The following RPS6KC1 variants were observed in gnomAD, a reference collection of about 807,000 sequenced individuals.
RPS6KC1 encodes ribosomal protein S6 kinase C1, also known as inactive ribosomal protein S6 kinase delta-1.
Under a neutral mutation model 103.8 loss-of-function variants are expected in RPS6KC1, and 54 were observed. The ratio of observed to expected loss-of-function variants is 0.52; its 90% CI spans 0.42 to 0.65. The LOEUF is 0.65. RPS6KC1 is among the 30% of genes least tolerant of loss of function. RPS6KC1 has a pLI of 0.00. For synonymous variants in RPS6KC1, 439 were observed against 438.7 expected (o/e 1.00, Z -0.01); for missense variants, 1,151 against 1,253.8 (o/e 0.92, Z 1.24).
At chr1:213,798,175 T>C in the RPS6KC1 span, among the ~76,000 whole-genome samples, 1 of 152,050 alleles carries the variant, frequency 6.6e-6, no homozygotes, top group East Asian at 1.9e-4. Flanking sequence ...AGCAAATAAT[T>C]AAGCAGGTCA....
the RPS6KC1 span, among the ~76,000 whole-genome samples, chr1:213,773,476 T>C: frequency 2.0e-5 from 3 of 148,210 alleles, no homozygotes; most frequent in Non-Finnish European, 3.0e-5. Context: ...ATATATCATA[T>C]ATCGATATAT....
chr1:213,123,028 G>A (rs374651083), intron 5 of RPS6KC1, among the ~76,000 whole-genome samples: 244 of 152,270 alleles, frequency 1.6e-3, no homozygotes, highest in African/African-American at 5.4e-3. Flanking sequence ...TTCATGGTAT[G>A]CCATGGGAAT....
At chr1:213,249,351 A>G (rs2094504907) in intron 12 of RPS6KC1, among the ~76,000 whole-genome samples, 1 of 152,220 alleles carries the variant, frequency 6.6e-6, no homozygotes, top group African/African-American at 2.4e-5. Flanking sequence ...AATCTCCATT[A>G]GGTTACCAGG....
chr1:213,716,649 ACTTCT>A, the RPS6KC1 span, among the ~76,000 whole-genome samples: 1 of 152,196 alleles, frequency 6.6e-6, no homozygotes, highest in African/African-American at 2.4e-5. Context: ...CATAATTTGT[ACTTCT>A]CTTATGATTC....
the RPS6KC1 span, among the ~76,000 whole-genome samples, chr1:213,694,457 A>C: frequency 6.6e-6 from 1 of 152,286 alleles, no homozygotes; most frequent in Non-Finnish European, 1.5e-5. Context: ...TCCTAAAACT[A>C]CAGTTCCTGT....
the RPS6KC1 span, among the ~76,000 whole-genome samples, chr1:213,583,946 A>G: frequency 6.6e-6 from 1 of 151,966 alleles, no homozygotes; most frequent in South Asian, 2.1e-4. Context: ...TTGCATCTTG[A>G]TATGGTTTGG....
the RPS6KC1 span, among the ~76,000 whole-genome samples, chr1:213,389,424 C>T: frequency 2.0e-5 from 3 of 152,216 alleles, no homozygotes; most frequent in Non-Finnish European, 4.4e-5. Context: ...AATGCTTGGG[C>T]GACAGGGAAG....
At chr1:213,858,961 T>G in the RPS6KC1 span, among the ~76,000 whole-genome samples, 3 of 152,312 alleles carry the variant, frequency 2.0e-5, no homozygotes, top group Admixed American at 2.0e-4. Flanking sequence ...TAAATGCATC[T>G]CTGATCTATG....
the RPS6KC1 span, among the ~76,000 whole-genome samples, chr1:213,400,651 C>CTATAT: frequency 1.3e-5 from 2 of 151,924 alleles, no homozygotes; most frequent in African/African-American, 4.8e-5. Context: ...ACCAAGTTCC[C>CTATAT]TGTTGTTCTA....
At chr1:213,542,224 C>T in the RPS6KC1 span, among the ~76,000 whole-genome samples, 1 of 152,110 alleles carries the variant, frequency 6.6e-6, no homozygotes, top group Non-Finnish European at 1.5e-5. Context: ...CTGACTCAGC[C>T]CCTAAATCTT....
chr1:213,577,544 T>G, the RPS6KC1 span, among the ~76,000 whole-genome samples: 2 of 152,186 alleles, frequency 1.3e-5, no homozygotes, highest in African/African-American at 4.8e-5. Context: ...GTTTGGAGCT[T>G]CCTAGAGACT....
the RPS6KC1 span, among the ~76,000 whole-genome samples, chr1:213,776,236 G>A: frequency 3.9e-5 from 6 of 152,128 alleles, no homozygotes; most frequent in Middle Eastern, 3.2e-3. Flanking sequence ...TTCCTTTCCA[G>A]AACATTTTTA....
intron 1 of RPS6KC1, among the ~76,000 whole-genome samples, chr1:213,067,579 G>GT (rs2078444420): frequency 6.6e-6 from 1 of 152,000 alleles, no homozygotes; most frequent in South Asian, 2.1e-4. Context: ...AGGATGAAGT[G>GT]TTTCCCAATC....
chr1:213,848,558 A>G, the RPS6KC1 span, among the ~76,000 whole-genome samples: 2 of 152,100 alleles, frequency 1.3e-5, no homozygotes, highest in Non-Finnish European at 2.9e-5. Context: ...ATATAGACAC[A>G]CACATATATT....
the RPS6KC1 span, among the ~76,000 whole-genome samples, chr1:213,353,353 C>A: frequency 6.6e-6 from 1 of 152,238 alleles, no homozygotes; most frequent in African/African-American, 2.4e-5. Flanking sequence ...CTAAACATAT[C>A]TTAGCTCCTT....
At chr1:213,179,474 A>T (rs2092119803) in intron 8 of RPS6KC1, among the ~76,000 whole-genome samples, 1 of 152,062 alleles carries the variant, frequency 6.6e-6, no homozygotes, top group South Asian at 2.1e-4. Flanking sequence ...ACTGTTTTTT[A>T]AAGATAAGTT....
rs184504903 is a variant in RPS6KC1, at chr1:213,191,937, T to C, written c.1044+15445T>C. Among the ~76,000 whole-genome samples, 8 of 152,224 alleles carry C rather than the reference T, an allele frequency of 5.3e-5. No homozygotes were observed. In the East Asian group the frequency reaches 1.4e-3, roughly 26 times the overall value. On this transcript the variant is annotated intron_variant, in intron 8 of 14. Transcript: ENST00000366960. ...GATTCTCCTGAGTCAGCCTCCCAAGTAGCTGGGACTACAGGCACGTGTCAC... is the reference window on the plus strand; with the variant it reads ...GATTCTCCTGAGTCAGCCTCCCAAGCAGCTGGGACTACAGGCACGTGTCAC...
the RPS6KC1 span, among the ~76,000 whole-genome samples, chr1:213,669,577 C>T: frequency 3.4e-4 from 52 of 152,196 alleles, no homozygotes; most frequent in Non-Finnish European, 5.3e-4. Flanking sequence ...AGTGAGCACA[C>T]GATGTTGAAA....
chr1:213,054,497 C>T (rs1451022705), intron 1 of RPS6KC1, among the ~76,000 whole-genome samples: 3 of 152,110 alleles, frequency 2.0e-5, no homozygotes, highest in Non-Finnish European at 2.9e-5. Flanking sequence ...TAGTGCTCTC[C>T]TGAGAGAACT....
Sources: allele counts gnomAD v4.1 joint callset (sites outside exome capture counted in the v4.1 genomes callset), GRCh38; gene constraint gnomAD v4.1.1; transcripts MANE v1.5; gene names NCBI Gene and HGNC (gene_info 2026-07-23, HGNC 2026-07-21).